Variants in RNGTT observed in about 807,000 individuals in gnomAD.
RNGTT encodes RNA guanylyltransferase and 5'-phosphatase, also known as mRNA-capping enzyme.
A neutral mutation model predicts 79.3 loss-of-function variants in RNGTT; 33 were observed. That is an observed-to-expected ratio of 0.42 (90% CI 0.32 to 0.56). The LOEUF (loss-of-function observed/expected upper bound fraction) is 0.56. Ranked by LOEUF, RNGTT falls within the 20% of genes least tolerant of loss-of-function variation. RNGTT has a pLI of 0.17. For missense variants in RNGTT, 497 were observed against 739.1 expected (o/e 0.67, Z 3.80); for synonymous variants, 222 against 235.9 (o/e 0.94, Z 0.54).
chr6:88,897,458 T>C (rs548553335), intron 6 of RNGTT, among the ~76,000 whole-genome samples: 2 of 152,312 alleles, frequency 1.3e-5, no homozygotes, highest in Admixed American at 6.5e-5. Flanking sequence ...GATTTCTCTA[T>C]CATTATTCCC....
At position 88,698,235 on chromosome 6, in the gene RNGTT, AAT is replaced by A. The variant is rs1276791462; in HGVS notation, c.1440-19818_1440-19817del. On this transcript the variant is annotated intron_variant, in intron 13 of 15. Coordinates refer to ENST00000369485, the MANE Select transcript of RNGTT (RefSeq NM_003800.5). ...AAATATATATATCATATATATATGAAATATATATATGAAATATATATATAAAT... is the reference window on the plus strand; with the variant it reads ...AAATATATATATCATATATATATGAAATATATATGAAATATATATATAAAT... Among the ~76,000 whole-genome samples the A allele has an allele frequency of 3.4e-4, 40 of 115,988 alleles. 2 individuals carry two copies. In the East Asian group the frequency reaches 3.9e-3, roughly 11 times the overall value. 76.1% of individuals were successfully genotyped at this position (115,988 alleles called of 152,430 possible).
intron 8 of RNGTT, among the ~76,000 whole-genome samples, chr6:88,866,983 C>T (rs1472310366): frequency 6.6e-6 from 1 of 152,208 alleles, no homozygotes; most frequent in African/African-American, 2.4e-5. Context: ...ATTCTTGCTA[C>T]TTACAATGTG....
intron 6 of RNGTT, 150 bp downstream of exon 6, chr6:88,904,565 A>C: frequency 1.0e-6 from 1 of 973,624 alleles, no homozygotes; most frequent in South Asian, 2.2e-5. Context: ...TTCTCTCCAA[A>C]AAAAAAAAAT....
Position 88,853,617 on chromosome 6 carries a change from A to G in RNGTT, c.1032+12T>C. 6.5e-7 allele frequency: 1 copy of G among 1,539,328 alleles called. No homozygotes were observed. Among genetic ancestry groups the G allele is most frequent in the Non-Finnish European group, 8.8e-7 (1 of 1,131,092 alleles). ...AATGTTTAATTTTATAGTATACATA[A>G]ATATGACTTACGCCATCCAAGAGAG... is the stretch of plus-strand genomic sequence containing the variant. On this transcript the variant is annotated intron_variant, in intron 9 of 15. Coordinates refer to ENST00000369485, the MANE Select transcript of RNGTT (RefSeq NM_003800.5).
intron 11 of RNGTT, among the ~76,000 whole-genome samples, chr6:88,804,515 T>G (rs1009749117): frequency 6.6e-6 from 1 of 152,262 alleles, no homozygotes; most frequent in African/African-American, 2.4e-5. Context: ...AAATGCATTA[T>G]AGAATATACT....
At chr6:88,841,637 A>T (rs1781292146) in intron 11 of RNGTT, among the ~76,000 whole-genome samples, 1 of 152,204 alleles carries the variant, frequency 6.6e-6, no homozygotes, top group Admixed American at 6.5e-5. Flanking sequence ...ACCACAATGC[A>T]ACTTCTTGGA....
In RNGTT at chr6:88,853,638, G is replaced by C. The variant is rs372437134; in HGVS notation, c.1023C>G (p.Leu341=). The change falls in exon 9 of 16, where the codon CTC becomes CTG. Residue 341 remains leucine (L), a synonymous_variant. Coordinates refer to ENST00000369485, the MANE Select transcript of RNGTT (RefSeq NM_003800.5). ...CATAAATATGACTTACGCCATCCAAGAGAGTATTTGATAAATGCATACGAA... is the reference window on the plus strand; with the variant it reads ...CATAAATATGACTTACGCCATCCAACAGAGTATTTGATAAATGCATACGAA... ...KDLRMHLSNT[L]LDGEMIIDRV... is the part of the protein sequence containing the mutation. The C allele has an allele frequency of 8.9e-6, 14 of 1,580,234 alleles. No individual in the cohort carries two copies. The highest frequency in any genetic ancestry group is 2.7e-5 in the African/African-American group (2 of 72,980).
chr6:88,831,534 C>A (rs1254325913), intron 11 of RNGTT, among the ~76,000 whole-genome samples: 1 of 152,184 alleles, frequency 6.6e-6, no homozygotes. Context: ...CAGCACAAGG[C>A]AAGGATGCCC....
intron 14 of RNGTT, among the ~76,000 whole-genome samples, chr6:88,633,151 A>G (rs994727641): frequency 6.6e-6 from 1 of 152,034 alleles, no homozygotes; most frequent in Non-Finnish European, 1.5e-5. Context: ...CCTTCCTTTC[A>G]TTTACATGCA....
At chr6:88,798,198 C>T (rs886976636) in intron 12 of RNGTT, among the ~76,000 whole-genome samples, 1 of 152,062 alleles carries the variant, frequency 6.6e-6, no homozygotes, top group Non-Finnish European at 1.5e-5. Flanking sequence ...GGTACAGTGG[C>T]TCATACCTGT....
intron 14 of RNGTT, among the ~76,000 whole-genome samples, chr6:88,626,468 C>T (rs550241819): frequency 6.6e-6 from 1 of 152,100 alleles, no homozygotes; most frequent in South Asian, 2.1e-4. Context: ...CCAAGGATTA[C>T]ATTTCACTTG....
At chr6:88,892,354 C>CGGAGAGAAGGGG (rs1783079192) in intron 6 of RNGTT, among the ~76,000 whole-genome samples, 1 of 151,932 alleles carries the variant, frequency 6.6e-6, no homozygotes. Context: ...TACACTATAC[C>CGGAGAGAAGGGG]AACCACCAAT....
chr6:88,729,256 T>G (rs767952254), intron 13 of RNGTT, among the ~76,000 whole-genome samples: 1 of 152,182 alleles, frequency 6.6e-6, no homozygotes, highest in Non-Finnish European at 1.5e-5. Flanking sequence ...TCAGTCCTTA[T>G]TCATCCCTGA....
At chr6:88,735,276 G>C (rs1777246252) in intron 13 of RNGTT, among the ~76,000 whole-genome samples, 1 of 152,074 alleles carries the variant, frequency 6.6e-6, no homozygotes, top group Non-Finnish European at 1.5e-5. Flanking sequence ...AGATCTAACA[G>C]GCAGGAAAGC....
chr6:88,919,707 C>CTTTTTTTTTTTTT (rs5878082), intron 4 of RNGTT, among the ~76,000 whole-genome samples: 7 of 58,486 alleles, frequency 1.2e-4, no homozygotes, highest in South Asian at 6.5e-4. Context: ...GTCAGTAGTT[C>CTTTTTTTTTTTTT]TTTTTTTTTT....
At chr6:88,919,882 G>A (rs921406986) in intron 4 of RNGTT, among the ~76,000 whole-genome samples, 1 of 151,878 alleles carries the variant, frequency 6.6e-6, no homozygotes, top group Non-Finnish European at 1.5e-5. Context: ...TAGAGACAGG[G>A]TTTCACCATG....
chr6:88,884,199 G>A (rs1221787180), intron 8 of RNGTT, among the ~76,000 whole-genome samples: 1 of 152,134 alleles, frequency 6.6e-6, no homozygotes, highest in African/African-American at 2.4e-5. Context: ...TCAGCTCACA[G>A]TTATTCATCA....
chr6:88,718,882 T>C (rs1052372730), intron 13 of RNGTT, among the ~76,000 whole-genome samples: 1 of 152,168 alleles, frequency 6.6e-6, no homozygotes, highest in Admixed American at 6.5e-5. Context: ...AAACCAGATG[T>C]TTAGTTGATA....
chr6:88,810,287 A>G (rs1582488265), intron 11 of RNGTT, among the ~76,000 whole-genome samples: 2 of 152,182 alleles, frequency 1.3e-5, no homozygotes, highest in African/African-American at 4.8e-5. Flanking sequence ...AGCTCACTGG[A>G]TGGTGAAGCT....
Sources: gnomAD v4.1 joint callset for allele counts (sites outside exome capture counted in the v4.1 genomes callset) on GRCh38, gnomAD v4.1.1 for gene constraint, MANE v1.5 for transcripts, NCBI Gene and HGNC (gene_info 2026-07-23, HGNC 2026-07-21) for gene names.